NELL2: variants seen among roughly 807,000 people sequenced by gnomAD.
NELL2 encodes neural EGFL like 2.
A neutral mutation model predicts 109.6 loss-of-function variants in NELL2; 41 were observed. That is an observed-to-expected ratio of 0.37 (90% CI 0.29 to 0.49). The LOEUF (loss-of-function observed/expected upper bound fraction) is 0.49, where lower values mean the gene tolerates loss of function less well. NELL2 is among the 20% of genes least tolerant of loss of function. NELL2 has a pLI of 0.98. For missense variants in NELL2, 900 were observed against 1,008.3 expected (o/e 0.89, Z 1.45); for synonymous variants, 355 against 344.7 (o/e 1.03, Z -0.33).
At chr12:44,902,704 G>A (rs1488787310) in intron 1 of NELL2, among the ~76,000 whole-genome samples, 1 of 152,076 alleles carries the variant, frequency 6.6e-6, no homozygotes, top group Admixed American at 6.6e-5. Flanking sequence ...CGAAAACAGA[G>A]AGATAGACCA....
At chr12:44,649,067 C>T (rs1477323837) in intron 13 of NELL2, among the ~76,000 whole-genome samples, 1 of 151,914 alleles carries the variant, frequency 6.6e-6, no homozygotes, top group African/African-American at 2.4e-5. Context: ...TGCCCGGCCA[C>T]AATGCCATCT....
intron 2 of NELL2, among the ~76,000 whole-genome samples, chr12:44,826,390 G>A (rs970465778): frequency 1.3e-5 from 2 of 151,824 alleles, no homozygotes; most frequent in East Asian, 3.9e-4. Context: ...CTAAATTCAG[G>A]TTAGAAATAT....
chr12:44,763,206 C>G (rs570051879), intron 9 of NELL2, among the ~76,000 whole-genome samples: 1 of 152,314 alleles, frequency 6.6e-6, no homozygotes, highest in African/African-American at 2.4e-5. Context: ...TCCCTCCCTT[C>G]TTTCCAACTA....
intron 3 of NELL2, among the ~76,000 whole-genome samples, chr12:44,791,061 T>A (rs1426483187): frequency 2.7e-5 from 2 of 72,960 alleles, no homozygotes; most frequent in Admixed American, 1.8e-4. Flanking sequence ...AGAAGAAAGT[T>A]CAAGTATATA....
intron 15 of NELL2, among the ~76,000 whole-genome samples, chr12:44,576,324 T>C (rs1944082384): frequency 6.6e-6 from 1 of 152,190 alleles, no homozygotes; most frequent in Admixed American, 6.5e-5. Flanking sequence ...ATCCTTTGAT[T>C]AGGTCTCTTT....
intron 18 of NELL2, among the ~76,000 whole-genome samples, chr12:44,521,622 G>A (rs1231645199): frequency 2.0e-5 from 3 of 151,660 alleles, no homozygotes; most frequent in African/African-American, 7.3e-5. Flanking sequence ...GTTAACAAAA[G>A]TTCTACTTGG....
At chr12:44,552,303 A>G (rs1379078208) in intron 15 of NELL2, among the ~76,000 whole-genome samples, 1 of 152,206 alleles carries the variant, frequency 6.6e-6, no homozygotes, top group African/African-American at 2.4e-5. Context: ...GAGGAGATGA[A>G]TAACATCCTT....
chr12:44,836,964 C>CGTCA (rs1566501971), intron 2 of NELL2, among the ~76,000 whole-genome samples: 2 of 152,122 alleles, frequency 1.3e-5, no homozygotes, highest in African/African-American at 4.8e-5. Context: ...AGGAAGCAGA[C>CGTCA]GTCACCTCAC....
intron 15 of NELL2, among the ~76,000 whole-genome samples, chr12:44,591,926 T>C (rs1211125960): frequency 6.6e-6 from 1 of 152,164 alleles, no homozygotes; most frequent in East Asian, 1.9e-4. Context: ...AAATTAAAGA[T>C]TAATAACAAT....
intron 9 of NELL2, among the ~76,000 whole-genome samples, chr12:44,754,187 A>G (rs1940778813): frequency 1.3e-5 from 2 of 152,318 alleles, no homozygotes; most frequent in Admixed American, 6.5e-5. Context: ...TCAATCTAAC[A>G]ACACAATTTT....
At chr12:44,577,967 C>T (rs545254577) in intron 15 of NELL2, among the ~76,000 whole-genome samples, 3 of 152,130 alleles carry the variant, frequency 2.0e-5, no homozygotes, top group Non-Finnish European at 2.9e-5. Flanking sequence ...TCCTCACATG[C>T]TATAGTAATT....
intron 1 of NELL2, among the ~76,000 whole-genome samples, chr12:44,899,555 G>A (rs531235571): frequency 4.0e-4 from 61 of 152,230 alleles, no homozygotes; most frequent in Non-Finnish European, 7.5e-4. Flanking sequence ...TTATAGACAA[G>A]CAAATGCTGA....
intron 15 of NELL2, among the ~76,000 whole-genome samples, chr12:44,583,793 G>A (rs985585926): frequency 6.6e-6 from 1 of 152,124 alleles, no homozygotes; most frequent in African/African-American, 2.4e-5. Flanking sequence ...ATTTATTTGA[G>A]ACTGGGTCTG....
At chr12:44,710,385 C>T (rs1394316249) in intron 11 of NELL2, among the ~76,000 whole-genome samples, 1 of 152,054 alleles carries the variant, frequency 6.6e-6, no homozygotes, top group Non-Finnish European at 1.5e-5. Context: ...TAAGTACCAG[C>T]TACATTCCAG....
chr12:44,870,055 A>G (rs1187397777), intron 2 of NELL2, among the ~76,000 whole-genome samples: 1 of 152,168 alleles, frequency 6.6e-6, no homozygotes, highest in East Asian at 1.9e-4. Context: ...GGTACAATTC[A>G]GCTAAGTTTT....
At chr12:44,629,830 T>C (rs1245962581) in intron 13 of NELL2, among the ~76,000 whole-genome samples, 1 of 152,194 alleles carries the variant, frequency 6.6e-6, no homozygotes, top group Non-Finnish European at 1.5e-5. Flanking sequence ...TGTAATTATT[T>C]CCTGACCTAG....
intron 16 of NELL2, among the ~76,000 whole-genome samples, chr12:44,527,613 TCTA>T (rs920948698): frequency 1.3e-5 from 2 of 152,206 alleles, no homozygotes; most frequent in African/African-American, 4.8e-5. Flanking sequence ...TGTGGCTTTG[TCTA>T]CTTTCTTTCC....
At chr12:44,897,442 T>C (rs755392778) in intron 1 of NELL2, among the ~76,000 whole-genome samples, 1 of 151,866 alleles carries the variant, frequency 6.6e-6, no homozygotes, top group Non-Finnish European at 1.5e-5. Flanking sequence ...TGGGACTAGT[T>C]AGACAGTGAG....
chr12:44,749,014 A>T (rs1231226415), intron 9 of NELL2, among the ~76,000 whole-genome samples: 1 of 152,166 alleles, frequency 6.6e-6, no homozygotes, highest in Non-Finnish European at 1.5e-5. Flanking sequence ...AATTAATATC[A>T]CTCATGCCAC....
Sources: gnomAD v4.1 joint callset for allele counts (sites outside exome capture counted in the v4.1 genomes callset) on GRCh38, gnomAD v4.1.1 for gene constraint, MANE v1.5 for transcripts, NCBI Gene and HGNC (gene_info 2026-07-23, HGNC 2026-07-21) for gene names.